Variants in NRG1 observed in about 807,000 individuals in gnomAD.
NRG1 encodes the protein pro-neuregulin-1, membrane-bound isoform.
A neutral mutation model predicts 63.8 loss-of-function variants in NRG1; 18 were observed. The observed-to-expected ratio is 0.28, with a 90% CI of 0.19 to 0.42. The LOEUF is 0.42. NRG1 is among the 10% of genes least tolerant of loss of function. The pLI, the probability that NRG1 is intolerant of heterozygous loss-of-function variation, is 1.00. For missense variants in NRG1, 762 were observed against 814.7 expected (o/e 0.94, Z 0.79); for synonymous variants, 302 against 301.3 (o/e 1.00, Z -0.02).
At chr8:32,316,403 G>C (rs748282563) in intron 1 of NRG1, among the ~76,000 whole-genome samples, 4 of 151,602 alleles carry the variant, frequency 2.6e-5, no homozygotes, top group African/African-American at 9.7e-5. Flanking sequence ...TTGAACCTGG[G>C]AGGCGGAGGG....
intron 5 of NRG1, among the ~76,000 whole-genome samples, chr8:32,623,412 C>T (rs1308617434): frequency 6.6e-6 from 1 of 152,172 alleles, no homozygotes; most frequent in African/African-American, 2.4e-5. Context: ...CCTCTCCTGC[C>T]ACTGTTGGAG....
intron 1 of NRG1, among the ~76,000 whole-genome samples, chr8:32,329,358 A>G (rs1802377711): frequency 6.6e-6 from 1 of 152,190 alleles, no homozygotes; most frequent in Admixed American, 6.5e-5. Flanking sequence ...TTAAAGGACA[A>G]TTGGATTCCA....
chr8:32,474,726 G>A (rs1228262903), intron 1 of NRG1, among the ~76,000 whole-genome samples: 4 of 151,820 alleles, frequency 2.6e-5, no homozygotes, highest in Admixed American at 1.3e-4. Context: ...GGATGGTCTC[G>A]AACTATTAAC....
intron 5 of NRG1, among the ~76,000 whole-genome samples, chr8:32,623,152 AC>A (rs1848634133): frequency 6.6e-6 from 1 of 152,230 alleles, no homozygotes; most frequent in Admixed American, 6.5e-5. Flanking sequence ...CTTTGCAGAG[AC>A]ATTTCTGTCA....
chr8:31,928,744 C>A, intron 1 of NRG1, among the ~76,000 whole-genome samples: 1 of 151,796 alleles, frequency 6.6e-6, no homozygotes, highest in East Asian at 1.9e-4. Context: ...GAACTAGAGG[C>A]CATTATTCTA....
At chr8:31,700,657 G>A (rs544881541) in intron 1 of NRG1, among the ~76,000 whole-genome samples, 3 of 152,140 alleles carry the variant, frequency 2.0e-5, no homozygotes, top group African/African-American at 4.8e-5. Flanking sequence ...TTAGAACCTC[G>A]ATTCTATGCT....
intron 1 of NRG1, among the ~76,000 whole-genome samples, chr8:32,243,655 C>G (rs558695060): frequency 1.3e-5 from 2 of 152,004 alleles, no homozygotes; most frequent in Admixed American, 6.6e-5. Flanking sequence ...ACTTCATACG[C>G]AATGCTGTGG....
At chr8:32,653,626 A>G (rs1166243938) in intron 5 of NRG1, among the ~76,000 whole-genome samples, 1 of 152,240 alleles carries the variant, frequency 6.6e-6, no homozygotes, top group Non-Finnish European at 1.5e-5. Flanking sequence ...TAATTCTTCT[A>G]GCATGTACAT....
chr8:31,942,124 T>C (rs1801841324), intron 1 of NRG1, among the ~76,000 whole-genome samples: 2 of 151,932 alleles, frequency 1.3e-5, no homozygotes, highest in African/African-American at 4.8e-5. Context: ...CATCACATTA[T>C]CTAACATGAA....
Position 32,741,954 on chromosome 8 carries a change from A to C in NRG1, c.633-721A>C, listed in dbSNP as rs1046834401. The C allele has an allele frequency of 9.2e-6, 13 of 1,412,358 alleles. No individual in the cohort carries two copies. The African/African-American group carries it at 1.6e-4, about 17-fold the overall frequency. The allele number at this position is 1,412,358 out of a possible 1,614,324, so 87.5% of individuals were successfully genotyped here. A position where few individuals can be genotyped will look rare whatever the true frequency, so the allele number is the denominator to read the frequency against. On this transcript the variant is annotated intron_variant, in intron 6 of 11. Transcript: ENST00000356819. The stretch of plus-strand genomic sequence containing the variant: ...CCATAGGAGGAAAATTGCCAGTCTG[A>C]AAGCTCAGTGTCTTTAGCATTTTTT...
chr8:31,935,607 G>C (rs1332969007), intron 1 of NRG1, among the ~76,000 whole-genome samples: 1 of 152,170 alleles, frequency 6.6e-6, no homozygotes, highest in African/African-American at 2.4e-5. Context: ...AGAGAGCATG[G>C]ATTACTGACC....
intron 5 of NRG1, among the ~76,000 whole-genome samples, chr8:32,639,602 CAT>C (rs1225546607): frequency 6.6e-6 from 1 of 152,150 alleles, no homozygotes; most frequent in South Asian, 2.1e-4. Flanking sequence ...ACTGCCTTCA[CAT>C]GTGTATAATC....
chr8:32,331,365 C>CCA (rs1802628553), intron 1 of NRG1, among the ~76,000 whole-genome samples: 4 of 115,478 alleles, frequency 3.5e-5, no homozygotes, highest in Admixed American at 1.9e-4. Flanking sequence ...ACAAAAAATA[C>CCA]AAAAAAAAAA....
In NRG1 at chr8:32,486,627, A is replaced by AATT. The variant is rs71208187; in HGVS notation, c.38-109201_38-109200insATT. Among the ~76,000 whole-genome samples, 386 of 145,500 alleles carry AATT rather than the reference A, an allele frequency of 2.7e-3. 16 individuals carry two copies. Among genetic ancestry groups the AATT allele is most frequent in the African/African-American group, 3.9e-3 (152 of 38,940 alleles). On this transcript the variant is annotated intron_variant, in intron 1 of 10. Coordinates refer to the NRG1 transcript ENST00000519301. The stretch of plus-strand genomic sequence containing the variant: ...CCTCAAGAGGCTACAGAATTGCTGG[A>AATT]TTTTTTTTTTTTTTTGGAATGGAGT...
chr8:32,607,163 CA>C (rs1845418057), intron 3 of NRG1, among the ~76,000 whole-genome samples: 1 of 152,086 alleles, frequency 6.6e-6, no homozygotes, highest in Admixed American at 6.6e-5. Flanking sequence ...AATATAGCAT[CA>C]CTTTATTTTT....
chr8:32,013,169 C>G (rs963385169), intron 1 of NRG1, among the ~76,000 whole-genome samples: 7 of 151,960 alleles, frequency 4.6e-5, no homozygotes, highest in Non-Finnish European at 8.8e-5. Context: ...AGTAAGGAGG[C>G]AGTAGGTCAT....
intron 1 of NRG1, among the ~76,000 whole-genome samples, chr8:32,067,677 C>CTT (rs573462433): frequency 6.6e-6 from 1 of 152,100 alleles, no homozygotes; most frequent in Non-Finnish European, 1.5e-5. Context: ...TTGGAAGACT[C>CTT]TTTACACAGC....
intron 5 of NRG1, among the ~76,000 whole-genome samples, chr8:32,622,465 C>A (rs1848509194): frequency 2.0e-5 from 3 of 152,048 alleles, no homozygotes; most frequent in Admixed American, 2.0e-4. Context: ...TGCAGTAGTG[C>A]ACTCATGGCT....
chr8:32,040,493 T>C (rs1476375480), intron 1 of NRG1, among the ~76,000 whole-genome samples: 2 of 151,846 alleles, frequency 1.3e-5, no homozygotes, highest in African/African-American at 2.4e-5. Context: ...TTTCTTGCTG[T>C]TAGTCATTAT....
Sources: allele counts gnomAD v4.1 joint callset (sites outside exome capture counted in the v4.1 genomes callset), GRCh38; gene constraint gnomAD v4.1.1; transcripts MANE v1.5; gene names NCBI Gene and HGNC (gene_info 2026-07-23, HGNC 2026-07-21).